SLC30A8: variants seen among roughly 807,000 people sequenced by gnomAD.
The protein encoded by SLC30A8 is solute carrier family 30 member 8.
In SLC30A8, 27 loss-of-function variants were observed where a neutral mutation model predicts 36.9. The ratio of observed to expected loss-of-function variants is 0.73; its 90% CI spans 0.54 to 1.01. The LOEUF (loss-of-function observed/expected upper bound fraction) is 1.01, where lower values mean the gene tolerates loss of function less well. Among genes scored for constraint, SLC30A8 ranks in the 50% least tolerant of loss-of-function variants. The probability of loss-of-function intolerance (pLI) is 0.00; values close to 1 mark genes in which losing one functional copy is unlikely to be tolerated. For missense variants in SLC30A8, 439 were observed against 452.0 expected (o/e 0.97, Z 0.26); for synonymous variants, 164 against 172.4 (o/e 0.95, Z 0.38).
chr8:117,087,848 T>C (rs983918880), intron 2 of SLC30A8, among the ~76,000 whole-genome samples: 3 of 152,214 alleles, frequency 2.0e-5, no homozygotes, highest in Non-Finnish European at 4.4e-5. Context: ...TTTAGACTTA[T>C]ATAAACAGTA....
At chr8:117,053,142 T>TGGCCTCGTGATCTGCC (rs900463012) in intron 2 of SLC30A8, among the ~76,000 whole-genome samples, 3 of 152,184 alleles carry the variant, frequency 2.0e-5, no homozygotes, top group Non-Finnish European at 4.4e-5. Context: ...CTCGATCTCC[T>TGGCCTCGTGATCTGCC]GGCCTCGTGA....
At chr8:117,007,954 G>GA (rs1173936538) in intron 1 of SLC30A8, among the ~76,000 whole-genome samples, 1 of 152,058 alleles carries the variant, frequency 6.6e-6, no homozygotes, top group African/African-American at 2.4e-5. Context: ...AGAGACAAAA[G>GA]AAAATGTAAA....
intron 2 of SLC30A8, among the ~76,000 whole-genome samples, chr8:117,150,315 T>C (rs969340868): frequency 6.6e-6 from 1 of 152,232 alleles, no homozygotes; most frequent in Non-Finnish European, 1.5e-5. Context: ...CTTTCATTGC[T>C]GTCAGTAAGT....
chr8:117,033,652 A>C (rs114582325), intron 1 of SLC30A8, among the ~76,000 whole-genome samples: 2,018 of 152,308 alleles, frequency 0.013, 48 homozygotes, highest in African/African-American at 0.046. Flanking sequence ...AAAAGAAATA[A>C]AGTAGAGTGA....
At chr8:117,083,243 A>G (rs1427338798) in intron 2 of SLC30A8, among the ~76,000 whole-genome samples, 2 of 152,126 alleles carry the variant, frequency 1.3e-5, no homozygotes, top group East Asian at 1.9e-4. Context: ...GGTGGATGCT[A>G]TGATATGCTG....
At position 117,065,523 on chromosome 8, in the gene SLC30A8, C is replaced by T. The variant is rs550463956; in HGVS notation, c.-226+26265C>T. 3.3e-5 allele frequency among the ~76,000 whole-genome samples: 5 copies of T among 152,218 alleles called. No homozygotes were observed. In the East Asian group the frequency reaches 9.7e-4, roughly 29 times the overall value. ...TTTCCCTAGGCAGCAGCAGTAGGAG[C>T]ATATAGCCAGTGCAGTCAAATTGCT... On this transcript the variant is annotated intron_variant, in intron 2 of 10. Transcript: ENST00000427715.
chr8:117,044,848 G>A (rs565057195), intron 2 of SLC30A8, among the ~76,000 whole-genome samples: 150 of 152,318 alleles, frequency 9.8e-4, no homozygotes, highest in Non-Finnish European at 1.8e-3. Flanking sequence ...CTGCAGGACC[G>A]CGGAGCCCTG....
chr8:117,018,223 C>G (rs1284231889), intron 1 of SLC30A8: 1 of 152,044 alleles, frequency 6.6e-6, no homozygotes, highest in Non-Finnish European at 1.5e-5. Flanking sequence ...ATTCCAGCCT[C>G]AGCAACGTAG....
intron 2 of SLC30A8, among the ~76,000 whole-genome samples, chr8:117,100,441 A>G (rs1347234274): frequency 2.6e-5 from 4 of 152,154 alleles, no homozygotes; most frequent in African/African-American, 9.7e-5. Context: ...CTCCTCTTTG[A>G]GGCTCTAAGC....
rs1821442249 is a variant in SLC30A8, at chr8:117,138,043, C to A, written c.71+2645C>A. Reference sequence around the variant, plus strand: ...TGTTTCATTGGTGGGATTCTCTGGGCTTTGGGTTCATTGTAGCAAAAAAAA... The same window carrying A: ...TGTTTCATTGGTGGGATTCTCTGGGATTTGGGTTCATTGTAGCAAAAAAAA... On this transcript the variant is annotated intron_variant, in intron 1 of 7. Transcript: ENST00000456015. Among the ~76,000 whole-genome samples, 8 of 116,314 alleles carry A rather than the reference C, an allele frequency of 6.9e-5. No individual in the cohort carries two copies. In the South Asian group the frequency reaches 2.2e-3, roughly 32 times the overall value. 76.3% of individuals were successfully genotyped at this position (116,314 alleles called of 152,430 possible).
At chr8:116,990,715 C>T (rs1815610217) in intron 1 of SLC30A8, among the ~76,000 whole-genome samples, 1 of 152,158 alleles carries the variant, frequency 6.6e-6, no homozygotes, top group Non-Finnish European at 1.5e-5. Flanking sequence ...AATAGCAATG[C>T]ACCAGTATTA....
At position 117,137,645 on chromosome 8, in the gene SLC30A8, C is replaced by T. The variant is rs553602346; in HGVS notation, c.71+2247C>T. ...TCTTTGTGTTGGCTTTTGCCTGGGG[C>T]GGGGGTCTTAATTCTTCTTCCCATG... is the stretch of plus-strand genomic sequence containing the variant. On this transcript the variant is annotated intron_variant, in intron 1 of 7. Coordinates refer to ENST00000456015, the MANE Select transcript of SLC30A8 (RefSeq NM_173851.3). 3.3e-5 allele frequency among the ~76,000 whole-genome samples: 5 copies of T among 151,936 alleles called. No individual in the cohort carries two copies. In the East Asian group the frequency reaches 5.8e-4, roughly 18 times the overall value.
intron 2 of SLC30A8, among the ~76,000 whole-genome samples, chr8:117,115,035 A>G (rs1263526091): frequency 6.6e-6 from 1 of 151,968 alleles, no homozygotes; most frequent in East Asian, 1.9e-4. Context: ...CAGCCTCCTG[A>G]ATAGCTGGGA....
intron 1 of SLC30A8, among the ~76,000 whole-genome samples, chr8:117,025,462 A>ATTATGTCC (rs1816844434): frequency 6.6e-6 from 1 of 152,230 alleles, no homozygotes; most frequent in African/African-American, 2.4e-5. Context: ...TACTGGAAAG[A>ATTATGTCC]TTATGTCCCT....
chr8:117,080,506 G>A lies in SLC30A8; in HGVS notation c.-226+41248G>A, dbSNP rs1818639097. Among the ~76,000 whole-genome samples the A allele has an allele frequency of 3.9e-5, 6 of 152,072 alleles. No homozygotes were observed. In the South Asian group the frequency reaches 1.2e-3, roughly 32 times the overall value. On this transcript the variant is annotated intron_variant, in intron 2 of 10. Coordinates refer to the SLC30A8 transcript ENST00000427715. ...CCTCCCTCTCTCCCTCCTCTAGGAG[G>A]CCCCAGTGCCTATTGTTCCCATCTT...
chr8:117,163,486 G>A lies in SLC30A8; in HGVS notation c.785G>A (p.Ser262Asn), dbSNP rs1261084081. 1.2e-6 allele frequency: 2 copies of A among 1,613,290 alleles called. No homozygotes were observed. The highest frequency in any genetic ancestry group is 2.7e-5 in the African/African-American group (2 of 74,824). Reference protein sequence around the residue: ...TFIFSILVLASTITILKDFSI... With the variant: ...TFIFSILVLANTITILKDFSI... ...ATCTTTTCCATCCTGGTCTTGGCCAGCACCATCACTATCTTAAAGGACTTC... is the reference window on the plus strand; with the variant it reads ...ATCTTTTCCATCCTGGTCTTGGCCAACACCATCACTATCTTAAAGGACTTC... The change falls in exon 6 of 8, where the codon AGC (serine) becomes AAC (asparagine). Residue 262 changes from serine to asparagine, a missense_variant. Coordinates refer to ENST00000456015, the MANE Select transcript of SLC30A8 (RefSeq NM_173851.3).
At chr8:116,955,106 GGATCTGA>G (rs1187058003) in intron 1 of SLC30A8, among the ~76,000 whole-genome samples, 2 of 152,132 alleles carry the variant, frequency 1.3e-5, no homozygotes, top group African/African-American at 4.8e-5. Flanking sequence ...ATAAATGATG[GGATCTGA>G]GATCTGAGGA....
At chr8:117,136,888 A>G (rs1318697128) in intron 1 of SLC30A8, among the ~76,000 whole-genome samples, 5 of 152,032 alleles carry the variant, frequency 3.3e-5, no homozygotes, top group Non-Finnish European at 7.4e-5. Flanking sequence ...TGTTTATAAG[A>G]ATTGTCAAAC....
intron 1 of SLC30A8, among the ~76,000 whole-genome samples, chr8:116,979,496 T>C (rs1352812357): frequency 6.6e-6 from 1 of 152,208 alleles, no homozygotes; most frequent in Non-Finnish European, 1.5e-5. Flanking sequence ...TTAGTGGTCC[T>C]CTGATGAGAC....
Sources: allele counts gnomAD v4.1 joint callset (sites outside exome capture counted in the v4.1 genomes callset), GRCh38; gene constraint gnomAD v4.1.1; transcripts MANE v1.5; gene names NCBI Gene and HGNC (gene_info 2026-07-23, HGNC 2026-07-21).